SMC5: variants seen among roughly 807,000 people sequenced by gnomAD.
SMC5 encodes structural maintenance of chromosomes protein 5.
SMC5 carries 88 observed loss-of-function variants against 148.3 expected under a neutral mutation model. The ratio of observed to expected loss-of-function variants is 0.59; its 90% confidence interval spans 0.50 to 0.71. The LOEUF (loss-of-function observed/expected upper bound fraction) is 0.71, where lower values mean the gene tolerates loss of function less well. Ranked by LOEUF, SMC5 falls within the 30% of genes least tolerant of loss-of-function variation. The pLI is 0.00. For missense variants in SMC5, 1,142 were observed against 1,298.9 expected, an observed-to-expected ratio of 0.88 and a Z score of 1.86; for synonymous variants, 421 against 432.8, an observed-to-expected ratio of 0.97 and a Z score of 0.34.
chr9:70,318,811 G>T lies in SMC5; in HGVS notation c.1998G>T (p.Leu666Phe). 2 of 1,567,182 alleles carry T rather than the reference G, an allele frequency of 1.3e-6. No homozygotes were observed. Among genetic ancestry groups the T allele is most frequent in the Non-Finnish European group, 1.7e-6 (2 of 1,164,296 alleles). Residue 666 changes from leucine to phenylalanine, a missense_variant, in exon 15 of 25, where the codon TTG becomes TTT. This residue lies in a region of SMC5 where 743 missense variants were observed against 835.7 expected (regional missense o/e 0.89). Coordinates refer to ENST00000361138, the MANE Select transcript of SMC5 (RefSeq NM_015110.4). ...TTTTATAGGAAATTCATAGAAAATTGCAAGCAGTGGATTCAGGGTTGATTG... is the reference window on the plus strand; with the variant it reads ...TTTTATAGGAAATTCATAGAAAATTTCAAGCAGTGGATTCAGGGTTGATTG... Reference protein sequence around the residue: ...EEQLKEIHRKLQAVDSGLIAL... With the variant: ...EEQLKEIHRKFQAVDSGLIAL...
chr9:70,296,783 A>G (rs2035213719), intron 8 of SMC5, among the ~76,000 whole-genome samples: 2 of 152,148 alleles, frequency 1.3e-5, no homozygotes, highest in Admixed American at 1.3e-4. Flanking sequence ...ATATAAGTGT[A>G]TATTTGTTTA....
At chr9:70,298,957 C>T (rs1221583043) in intron 9 of SMC5, among the ~76,000 whole-genome samples, 2 of 151,554 alleles carry the variant, frequency 1.3e-5, no homozygotes, top group East Asian at 3.9e-4. Flanking sequence ...TATAAAACAT[C>T]TCTATTATAA....
Position 70,347,929 on chromosome 9 carries a change from G to T in SMC5, c.2780G>T (p.Arg927Met). ...YRENISQVKE[R>M]WLNPLKELVE... ...TGCCTTTATTTGTAGGTAAAAGAAA[G>T]GTGGCTTAATCCTTTAAAAGAGCTG... Residue 927 changes from arginine to methionine, a missense_variant, in exon 22 of 25, where the codon AGG becomes ATG. Physicochemically the swap from Arg to Met is moderately conservative, Grantham distance 91. Coordinates refer to ENST00000361138, the MANE Select transcript of SMC5 (RefSeq NM_015110.4). 1 of 1,586,282 alleles carries T rather than the reference G, an allele frequency of 6.3e-7. No homozygotes were observed. The highest frequency in any genetic ancestry group is 8.6e-7 in the Non-Finnish European group (1 of 1,167,854).
chr9:70,345,661 G>C (rs1394802918), intron 18 of SMC5, among the ~76,000 whole-genome samples: 1 of 151,852 alleles, frequency 6.6e-6, no homozygotes, highest in Non-Finnish European at 1.5e-5. Context: ...CAGAGAAGAA[G>C]GCAGAAGCCA....
intron 8 of SMC5, among the ~76,000 whole-genome samples, chr9:70,292,008 A>C (rs2035076104): frequency 6.6e-6 from 1 of 152,132 alleles, no homozygotes; most frequent in Non-Finnish European, 1.5e-5. Context: ...AATTCTACAG[A>C]GCTTGCTGTT....
chr9:70,315,340 T>G, intron 12 of SMC5, 106 bp from the exon 13 acceptor site: 2 of 655,626 alleles, frequency 3.1e-6, no homozygotes, highest in Non-Finnish European at 2.4e-6. Flanking sequence ...GTGTCATTGT[T>G]GAAATAATGT....
At chr9:70,316,363 A>G (rs1212575588) in intron 13 of SMC5, among the ~76,000 whole-genome samples, 2 of 152,076 alleles carry the variant, frequency 1.3e-5, no homozygotes, top group Non-Finnish European at 2.9e-5. Flanking sequence ...TATTCCTAAG[A>G]TGATTCATTT....
At position 70,354,838 on chromosome 9, in the gene SMC5, C is replaced by G. The variant is rs2036869619; in HGVS notation, c.*2507C>G. Reference sequence around the variant, plus strand: ...GTGTAATTGAAAAAACTGGGAAATCCTGCTTTGTTGGTAATAAATCAATAT... The same window carrying G: ...GTGTAATTGAAAAAACTGGGAAATCGTGCTTTGTTGGTAATAAATCAATAT... On this transcript the variant is annotated 3_prime_UTR_variant, in exon 25 of 25. Coordinates refer to ENST00000361138, the MANE Select transcript of SMC5 (RefSeq NM_015110.4). 6.6e-6 allele frequency: 1 copy of G among 152,070 alleles called. No individual in the cohort carries two copies. The highest frequency in any genetic ancestry group is 1.5e-5 in the Non-Finnish European group (1 of 68,012). The allele number at this position is 152,070 out of a possible 1,614,324, so 9.4% of individuals were successfully genotyped here.
chr9:70,268,856 T>C (rs141918368), intron 3 of SMC5, among the ~76,000 whole-genome samples: 4 of 152,338 alleles, frequency 2.6e-5, no homozygotes, highest in African/African-American at 9.6e-5. Flanking sequence ...TTGGATATTC[T>C]CAATTGGCCA....
chr9:70,303,507 A>C (rs2035417690), intron 10 of SMC5, among the ~76,000 whole-genome samples: 1 of 152,098 alleles, frequency 6.6e-6, no homozygotes, highest in Admixed American at 6.5e-5. Context: ...GATGGTTTTC[A>C]TGTGGTTTTA....
At chr9:70,312,834 T>C (rs2035695200) in intron 11 of SMC5, among the ~76,000 whole-genome samples, 3 of 152,228 alleles carry the variant, frequency 2.0e-5, no homozygotes, top group Non-Finnish European at 2.9e-5. Context: ...ACCAATATTT[T>C]ACAAAGGATT....
intron 8 of SMC5, among the ~76,000 whole-genome samples, chr9:70,288,360 A>G (rs1315867480): frequency 6.6e-6 from 1 of 151,902 alleles, no homozygotes; most frequent in East Asian, 1.9e-4. Context: ...TCTTCCTATC[A>G]CTGATATTTG....
intron 3 of SMC5, among the ~76,000 whole-genome samples, chr9:70,275,871 C>CT (rs2034579037): frequency 6.6e-6 from 1 of 152,146 alleles, no homozygotes; most frequent in Non-Finnish European, 1.5e-5. Context: ...GACCCATTCT[C>CT]TGTCTCCTAG....
chr9:70,281,557 A>G (rs568644357), intron 6 of SMC5, among the ~76,000 whole-genome samples: 41 of 152,264 alleles, frequency 2.7e-4, no homozygotes, highest in East Asian at 1.9e-4. Context: ...TAAAGATTCA[A>G]TTCCCTCATT....
intron 24 of SMC5, 68 bp from the exon 25 acceptor site, chr9:70,352,123 C>A: frequency 7.5e-7 from 1 of 1,325,800 alleles, no homozygotes; most frequent in Non-Finnish European, 1.0e-6. Context: ...TGACTGTACA[C>A]ATGTAAGGTT....
intron 6 of SMC5, among the ~76,000 whole-genome samples, chr9:70,282,028 A>G (rs1219187673): frequency 1.6e-5 from 2 of 126,536 alleles, no homozygotes; most frequent in Non-Finnish European, 3.4e-5. Context: ...CTTTTGACCC[A>G]TTTTCATTTT....
chr9:70,290,918 C>T (rs1235097555), intron 8 of SMC5, among the ~76,000 whole-genome samples: 1 of 152,172 alleles, frequency 6.6e-6, no homozygotes, highest in African/African-American at 2.4e-5. Flanking sequence ...TGTACTTCCT[C>T]AGGTACTTTT....
At chr9:70,334,379 AAC>A (rs780497719) in intron 17 of SMC5, among the ~76,000 whole-genome samples, 3 of 152,194 alleles carry the variant, frequency 2.0e-5, no homozygotes, top group Non-Finnish European at 4.4e-5. Flanking sequence ...AAATAGAAAA[AAC>A]ACAAATTATA....
intron 7 of SMC5, among the ~76,000 whole-genome samples, chr9:70,285,939 A>C (rs1047153735): frequency 6.6e-6 from 1 of 152,192 alleles, no homozygotes; most frequent in Non-Finnish European, 1.5e-5. Context: ...GGTTGTTTTT[A>C]GGATCAGATG....
Sources: allele counts gnomAD v4.1 joint callset (sites outside exome capture counted in the v4.1 genomes callset), GRCh38; gene constraint gnomAD v4.1.1; regional missense constraint gnomAD v4.1.1; transcripts MANE v1.5; gene names NCBI Gene and HGNC (gene_info 2026-07-23, HGNC 2026-07-21).